Variants in SMARCC1 observed in about 807,000 individuals in gnomAD.
The protein encoded by SMARCC1 is SWI/SNF complex subunit SMARCC1.
A neutral mutation model predicts 147.4 loss-of-function variants in SMARCC1; 43 were observed. The observed-to-expected ratio is 0.29, with a 90% CI of 0.23 to 0.38. The LOEUF is 0.38. Among genes scored for constraint, SMARCC1 ranks in the 10% least tolerant of loss-of-function variants. The probability of loss-of-function intolerance (pLI) is 1.00; values close to 1 mark genes in which losing one functional copy is unlikely to be tolerated. For synonymous variants in SMARCC1, 495 were observed against 484.4 expected (o/e 1.02, Z -0.29); for missense variants, 1,119 against 1,381.1 (o/e 0.81, Z 3.01).
intron 19 of SMARCC1, among the ~76,000 whole-genome samples, chr3:47,663,007 C>T (rs940709016): frequency 1.3e-5 from 2 of 148,402 alleles, no homozygotes; most frequent in African/African-American, 5.0e-5. Context: ...ACCTGGGAGG[C>T]AGAAGTTGCA....
intron 2 of SMARCC1, among the ~76,000 whole-genome samples, chr3:47,766,457 C>T (rs2034841638): frequency 6.6e-6 from 1 of 151,796 alleles, no homozygotes; most frequent in South Asian, 2.1e-4. Flanking sequence ...GTCCCAACTA[C>T]TCAGGAGGGT....
intron 26 of SMARCC1, among the ~76,000 whole-genome samples, chr3:47,596,504 T>C (rs1319812536): frequency 1.3e-5 from 2 of 150,664 alleles, no homozygotes; most frequent in Non-Finnish European, 3.0e-5. Context: ...GAGGCGGAGG[T>C]TGCAGTGAGC....
At chr3:47,630,002 G>A (rs1392215492) in intron 24 of SMARCC1, among the ~76,000 whole-genome samples, 1 of 151,670 alleles carries the variant, frequency 6.6e-6, no homozygotes, top group African/African-American at 2.4e-5. Flanking sequence ...GAAGCTACAG[G>A]GAGAGGCCCA....
intron 14 of SMARCC1, among the ~76,000 whole-genome samples, chr3:47,684,212 C>T (rs904165906): frequency 6.7e-6 from 1 of 149,768 alleles, no homozygotes; most frequent in African/African-American, 2.5e-5. Flanking sequence ...TGCAGTCCAG[C>T]CTGGGCGACA....
intron 7 of SMARCC1, among the ~76,000 whole-genome samples, chr3:47,719,094 T>C (rs2034198712): frequency 6.6e-6 from 1 of 151,984 alleles, no homozygotes; most frequent in Admixed American, 6.6e-5. Context: ...TTTGTATTTT[T>C]AGTAGAGACG....
intron 25 of SMARCC1, among the ~76,000 whole-genome samples, chr3:47,610,955 G>A (rs1264710175): frequency 2.0e-5 from 3 of 152,102 alleles, no homozygotes; most frequent in Admixed American, 6.6e-5. Context: ...ACACATTCAC[G>A]GAATATTTTA....
intron 21 of SMARCC1, among the ~76,000 whole-genome samples, chr3:47,644,602 G>C (rs905244774): frequency 6.6e-6 from 1 of 152,126 alleles, no homozygotes; most frequent in African/African-American, 2.4e-5. Context: ...CTGTCTCCCA[G>C]GTTCAAGCGA....
At chr3:47,699,104 C>T (rs1226144241) in intron 11 of SMARCC1, among the ~76,000 whole-genome samples, 3 of 151,940 alleles carry the variant, frequency 2.0e-5, no homozygotes, top group Admixed American at 2.0e-4. Flanking sequence ...CACAGAAAAA[C>T]ACATTTGCAA....
chr3:47,639,480 G>T (rs181718918), intron 21 of SMARCC1, among the ~76,000 whole-genome samples: 1 of 152,128 alleles, frequency 6.6e-6, no homozygotes, highest in Admixed American at 6.6e-5. Flanking sequence ...TTGGGAGGCC[G>T]AGGCGGCTGC....
At chr3:47,615,880 C>T (rs752732191) in intron 25 of SMARCC1, among the ~76,000 whole-genome samples, 4 of 152,124 alleles carry the variant, frequency 2.6e-5, no homozygotes, top group Non-Finnish European at 5.9e-5. Flanking sequence ...GACGGGGTTT[C>T]ACAATGTTGG....
intron 7 of SMARCC1, 122 bp from the exon 8 acceptor site, chr3:47,714,612 G>C (rs530212331): frequency 2.8e-4 from 165 of 595,386 alleles, no homozygotes; most frequent in Admixed American, 7.3e-4. Context: ...GGTCAACATG[G>C]TGAAACTGCG....
At chr3:47,670,393 T>C (rs541592095) in intron 19 of SMARCC1, 2 of 447,852 alleles carry the variant, frequency 4.5e-6, no homozygotes, top group Non-Finnish European at 8.0e-6. Flanking sequence ...GAGACCAGCC[T>C]GGACAACATG....
At chr3:47,725,032 C>CAAAAAAAA (rs35548192) in intron 6 of SMARCC1, among the ~76,000 whole-genome samples, 9 of 31,618 alleles carry the variant, frequency 2.8e-4, no homozygotes, top group Non-Finnish European at 3.3e-4. Context: ...ACTGTCTCCA[C>CAAAAAAAA]AAAAAAAAAA....
chr3:47,767,334 G>A (rs1263068480), intron 2 of SMARCC1, among the ~76,000 whole-genome samples: 12 of 145,154 alleles, frequency 8.3e-5, no homozygotes, highest in African/African-American at 1.3e-4. Context: ...TCCACCTCCC[G>A]GGTTCAAGTG....
intron 14 of SMARCC1, among the ~76,000 whole-genome samples, chr3:47,682,200 C>T (rs1227257084): frequency 6.8e-6 from 1 of 148,098 alleles, no homozygotes; most frequent in East Asian, 2.0e-4. Context: ...GAGGCTGAGA[C>T]GGGAGAATGG....
chr3:47,658,927 G>A (rs2033299274), intron 21 of SMARCC1, among the ~76,000 whole-genome samples: 1 of 151,942 alleles, frequency 6.6e-6, no homozygotes, highest in Non-Finnish European at 1.5e-5. Context: ...AGACCAACCT[G>A]GCCAACACAG....
At chr3:47,776,404 C>T (rs1172945998) in intron 1 of SMARCC1, among the ~76,000 whole-genome samples, 3 of 152,062 alleles carry the variant, frequency 2.0e-5, no homozygotes, top group Non-Finnish European at 2.9e-5. Context: ...GAGTTTGAGA[C>T]GAGCCTGGCC....
intron 10 of SMARCC1, among the ~76,000 whole-genome samples, chr3:47,704,572 C>G (rs2033966721): frequency 6.6e-6 from 1 of 152,094 alleles, no homozygotes; most frequent in African/African-American, 2.4e-5. Context: ...CTGCAAAGAT[C>G]TCATGTAGTT....
In SMARCC1 at chr3:47,683,293, G is replaced by A. The variant is rs766777037; in HGVS notation, c.1385+2756C>T. 1.9e-4 allele frequency among the ~76,000 whole-genome samples: 29 copies of A among 151,788 alleles called. No homozygotes were observed. In the Middle Eastern group the frequency reaches 0.01, roughly 53 times the overall value. Reference sequence around the variant, plus strand: ...AATCTCCTGACCTCGTGATCCACCCGCCTTGGCCTCCAAAAGTGCTGGGAT... The same window carrying A: ...AATCTCCTGACCTCGTGATCCACCCACCTTGGCCTCCAAAAGTGCTGGGAT... On this transcript the variant is annotated intron_variant, in intron 14 of 27. Transcript: ENST00000254480.
Sources: allele counts gnomAD v4.1 joint callset (sites outside exome capture counted in the v4.1 genomes callset), GRCh38; gene constraint gnomAD v4.1.1; transcripts MANE v1.5; gene names NCBI Gene and HGNC (gene_info 2026-07-23, HGNC 2026-07-21).